The following H2BC7 variants were observed in gnomAD, a reference collection of about 807,000 sequenced individuals.
The protein encoded by H2BC7 is H2B clustered histone 7.
Under a neutral mutation model 6.0 loss-of-function variants are expected in H2BC7, and 15 were observed. The observed-to-expected ratio is 2.48, with a 90% CI of 1.66 to 3.82. The LOEUF is 3.82. Among genes scored for constraint, H2BC7 ranks in the 30% most tolerant of loss-of-function variants. The pLI is 0.00. For synonymous variants in H2BC7, 148 were observed against 70.7 expected, an observed-to-expected ratio of 2.09 and a Z score of -5.49; for missense variants, 227 against 169.4, an observed-to-expected ratio of 1.34 and a Z score of -1.89.
rs553483137 is a variant in H2BC7, at chr6:26,199,642, G to C, written c.84G>C (p.Lys28Asn). The part of the protein sequence containing the change: ...AVTKAQKKDG[K>N]KRKRSRKESY... ...CCAAGGCGCAGAAGAAGGATGGTAA[G>C]AAGCGCAAGCGTAGCCGCAAGGAGA... is the stretch of plus-strand genomic sequence containing the variant. The change falls in exon 1 of 1, where the codon AAG becomes AAC. Residue 28 changes from lysine to asparagine, a missense_variant. Physicochemically the swap from Lys to Asn is moderately conservative, Grantham distance 94. Transcript: ENST00000356530. 2.5e-6 allele frequency: 4 copies of C among 1,614,272 alleles called. No individual in the cohort carries two copies. In the South Asian group the frequency reaches 3.3e-5, roughly 13 times the overall value.
In H2BC7 at chr6:26,199,765, T is replaced by C. The variant is rs201386010; in HGVS notation, c.207T>C (p.Asp69=). The change falls in exon 1 of 1, where the codon GAT becomes GAC. Residue 69 remains aspartate (D), a synonymous_variant. Coordinates refer to ENST00000356530, the MANE Select transcript of H2BC7 (RefSeq NM_003522.4). ...AMGIMNSFVN[D]IFERIAGEAS... is the part of the protein sequence containing the mutation. ...GCATCATGAACTCCTTCGTCAACGATATCTTCGAGCGCATCGCTGGCGAGG... is the reference window on the plus strand; with the variant it reads ...GCATCATGAACTCCTTCGTCAACGACATCTTCGAGCGCATCGCTGGCGAGG... 3.7e-6 allele frequency: 6 copies of C among 1,614,246 alleles called. No homozygotes were observed. Among genetic ancestry groups the C allele is most frequent in the East Asian group, 2.2e-5 (1 of 44,884 alleles).
Sources: gnomAD v4.1 joint callset for allele counts on GRCh38, gnomAD v4.1.1 for gene constraint, MANE v1.5 for transcripts, NCBI Gene and HGNC (gene_info 2026-07-23, HGNC 2026-07-21) for gene names.